Variants in EDN3 observed in about 807,000 individuals in gnomAD.
EDN3 encodes endothelin 3.
In EDN3, 9 loss-of-function variants were observed where a neutral mutation model predicts 21.4. The ratio of observed to expected loss-of-function variants is 0.42; its 90% CI spans 0.25 to 0.73. EDN3 has a LOEUF of 0.73. Among genes scored for constraint, EDN3 ranks in the 30% least tolerant of loss-of-function variants. The pLI is 0.26. For missense variants in EDN3, 327 were observed against 309.4 expected (o/e 1.06, Z -0.43); for synonymous variants, 133 against 126.2 (o/e 1.05, Z -0.36).
chr20:59,319,726 C>CAAAAAAAAA (rs528500611), intron 2 of EDN3, among the ~76,000 whole-genome samples: 12 of 50,982 alleles, frequency 2.4e-4, no homozygotes, highest in East Asian at 6.1e-4. Context: ...GACTCTGTCT[C>CAAAAAAAAA]AAAAAAAAAA....
At chr20:59,319,565 CAAT>C (rs1990394241) in intron 2 of EDN3, among the ~76,000 whole-genome samples, 1 of 151,308 alleles carries the variant, frequency 6.6e-6, no homozygotes, top group Non-Finnish European at 1.5e-5. Context: ...CAAATAATAA[CAAT>C]AATAATAATT....
chr20:59,314,376 C>G (rs1440353314), intron 2 of EDN3, among the ~76,000 whole-genome samples: 1 of 152,106 alleles, frequency 6.6e-6, no homozygotes, highest in Non-Finnish European at 1.5e-5. Context: ...TCACTGGTCA[C>G]AAGCAACAGA....
intron 2 of EDN3, among the ~76,000 whole-genome samples, chr20:59,320,776 C>T (rs988190573): frequency 3.3e-5 from 5 of 152,198 alleles, no homozygotes; most frequent in Admixed American, 6.5e-5. Context: ...GCCCAGCTAC[C>T]CAGACCCTCC....
chr20:59,313,107 G>A (rs1430027381), intron 2 of EDN3, among the ~76,000 whole-genome samples: 1 of 152,172 alleles, frequency 6.6e-6, no homozygotes. Context: ...GCTGATGAAG[G>A]ACAAAATAAG....
intron 2 of EDN3, among the ~76,000 whole-genome samples, chr20:59,307,828 C>G (rs982662372): frequency 6.6e-6 from 1 of 151,744 alleles, no homozygotes; most frequent in Non-Finnish European, 1.5e-5. Context: ...AGGTGCGTGT[C>G]ACCATGCCTA....
chr20:59,324,138 A>G (rs186450657), intron 4 of EDN3, among the ~76,000 whole-genome samples, 193 bp from the exon 5 acceptor site: 30 of 152,212 alleles, frequency 2.0e-4, no homozygotes, highest in African/African-American at 7.2e-4. Context: ...TTCTTTTCAC[A>G]CTTTTCCAGT....
intron 2 of EDN3, among the ~76,000 whole-genome samples, chr20:59,312,429 C>A (rs1269055328): frequency 6.6e-6 from 1 of 152,038 alleles, no homozygotes; most frequent in Non-Finnish European, 1.5e-5. Context: ...AGGTATTTTT[C>A]TGTTGTTCTC....
intron 2 of EDN3, among the ~76,000 whole-genome samples, chr20:59,320,194 C>A (rs996141218): frequency 6.6e-6 from 1 of 152,238 alleles, no homozygotes; most frequent in Non-Finnish European, 1.5e-5. Flanking sequence ...CCACTTTCAG[C>A]TGCATGGCCA....
chr20:59,316,635 A>C (rs1020758480), intron 2 of EDN3, among the ~76,000 whole-genome samples: 1 of 152,240 alleles, frequency 6.6e-6, no homozygotes, highest in African/African-American at 2.4e-5. Flanking sequence ...TCTTGTAGAG[A>C]GAAATAAAGC....
chr20:59,302,089 C>T (rs189187897), intron 2 of EDN3, among the ~76,000 whole-genome samples: 1 of 152,140 alleles, frequency 6.6e-6, no homozygotes, highest in African/African-American at 2.4e-5. Flanking sequence ...CCCCAGGGGC[C>T]AAGGGGGCTC....
rs1555850390 is a variant in EDN3 at position 59,324,597 on chromosome 20, TAC to T, written c.*139_*140del. The stretch of plus-strand genomic sequence containing the variant: ...CACCCAAAGAGTCCCCACTTAACAA[TAC>T]CCCCCCCCCACGGCAAGAATGCCCA... On this transcript the variant is annotated 3_prime_UTR_variant, in exon 5 of 5. Coordinates refer to ENST00000337938, the MANE Select transcript of EDN3 (RefSeq NM_207034.3). The T allele has an allele frequency of 9.2e-7, 1 of 1,089,582 alleles. No individual in the cohort carries two copies. The highest frequency in any genetic ancestry group is 1.4e-5 in the South Asian group (1 of 72,074). The allele number at this position is 1,089,582 out of a possible 1,614,324, so 67.5% of individuals were successfully genotyped here.
chr20:59,304,047 C>T (rs141578272), intron 2 of EDN3, among the ~76,000 whole-genome samples: 8 of 152,102 alleles, frequency 5.3e-5, no homozygotes, highest in African/African-American at 1.9e-4. Context: ...TTCTTTCTTA[C>T]CCTCCAAACT....
intron 2 of EDN3, among the ~76,000 whole-genome samples, chr20:59,314,075 T>C (rs1430992206): frequency 2.0e-5 from 3 of 152,078 alleles, no homozygotes; most frequent in South Asian, 2.1e-4. Context: ...TGCCTCCACC[T>C]GCTGAAGGAC....
At chr20:59,311,231 A>G (rs1009434587) in intron 2 of EDN3, among the ~76,000 whole-genome samples, 2 of 152,028 alleles carry the variant, frequency 1.3e-5, no homozygotes, top group Non-Finnish European at 2.9e-5. Context: ...AATCTATTGG[A>G]GCTATTACTG....
chr20:59,303,620 G>A (rs573625668), intron 2 of EDN3, among the ~76,000 whole-genome samples: 40 of 152,262 alleles, frequency 2.6e-4, no homozygotes, highest in South Asian at 8.3e-4. Flanking sequence ...ACCAAACCCC[G>A]GAGCACTGGC....
rs926603564 is a variant in EDN3, at chr20:59,305,875, A to G, written c.365+4153A>G. 1.3e-5 allele frequency among the ~76,000 whole-genome samples: 2 copies of G among 152,216 alleles called. No homozygotes were observed. The highest frequency in any genetic ancestry group is 2.9e-5 in the Non-Finnish European group (2 of 68,038). Reference sequence around the variant, plus strand: ...TAAATGTTAATCACATATCAAAAATACCTTCAGGGCAACATCTAGGCTGCT... The same window carrying G: ...TAAATGTTAATCACATATCAAAAATGCCTTCAGGGCAACATCTAGGCTGCT... On this transcript the variant is annotated intron_variant, in intron 2 of 4. Coordinates refer to ENST00000337938, the MANE Select transcript of EDN3 (RefSeq NM_207034.3). This position sits in a 1 kb window ranked among gnomAD's most constrained non-coding sequence, Gnocchi z 4.2.
intron 3 of EDN3, 111 bp downstream of exon 3, chr20:59,321,304 C>A: frequency 7.8e-7 from 1 of 1,274,946 alleles, no homozygotes; most frequent in South Asian, 1.2e-5. Context: ...CACATCCTGA[C>A]CTACTGTCGT....
At position 59,300,690 on chromosome 20, in the gene EDN3, G is replaced by T. The variant is rs562510121; in HGVS notation, c.-123G>T. On this transcript the variant is annotated 5_prime_UTR_variant, in exon 1 of 5. Transcript: ENST00000337938. ...GGCCGGAGCTGGAGACGCAGCGAGC[G>T]ATCGGCCGGCCTCGAACCCCCACAG... 1 of 960,740 alleles carries T rather than the reference G, an allele frequency of 1.0e-6. No individual in the cohort carries two copies. The highest frequency in any genetic ancestry group is 1.5e-5 in the South Asian group (1 of 66,416). 59.5% of individuals were successfully genotyped at this position (960,740 alleles called of 1,614,324 possible).
intron 1 of EDN3, 66 bp from the exon 2 acceptor site, chr20:59,301,344 T>C (rs1481429443): frequency 5.8e-6 from 9 of 1,560,810 alleles, no homozygotes; most frequent in Non-Finnish European, 7.8e-6. Flanking sequence ...CTCAGGTGTT[T>C]GGGGGTGGCG....
Sources: allele counts gnomAD v4.1 joint callset (sites outside exome capture counted in the v4.1 genomes callset), GRCh38; gene constraint gnomAD v4.1.1; non-coding constraint Gnocchi (gnomAD v3.1); transcripts MANE v1.5; gene names NCBI Gene and HGNC (gene_info 2026-07-23, HGNC 2026-07-21).